Variants in SMAD6 observed in about 807,000 individuals in gnomAD.
SMAD6 encodes the protein MAD homolog 6.
SMAD6 carries 103 observed loss-of-function variants against 39.4 expected under a neutral mutation model. That is an observed-to-expected ratio of 2.62 (90% CI 2.23 to 3.08). SMAD6 has a LOEUF of 3.08. SMAD6 is among the 30% of genes most tolerant of loss of function. SMAD6 has a pLI of 0.00. For missense variants in SMAD6, 1,104 were observed against 742.9 expected, an observed-to-expected ratio of 1.49 and a Z score of -5.65; for synonymous variants, 445 against 353.3, an observed-to-expected ratio of 1.26 and a Z score of -2.91.
At chr15:66,716,059 A>C (rs1893323212) in intron 2 of SMAD6, among the ~76,000 whole-genome samples, 1 of 152,246 alleles carries the variant, frequency 6.6e-6, no homozygotes, top group Admixed American at 6.5e-5. Context: ...GTTGTAATTA[A>C]GTACAGCAAC....
At chr15:66,737,768 G>C (rs1893739906) in intron 3 of SMAD6, among the ~76,000 whole-genome samples, 1 of 151,912 alleles carries the variant, frequency 6.6e-6, no homozygotes, top group African/African-American at 2.4e-5. Flanking sequence ...GGCCTGGGGA[G>C]GTGGAAAAAG....
chr15:66,720,290 A>G (rs1356805367), intron 3 of SMAD6, among the ~76,000 whole-genome samples: 1 of 151,872 alleles, frequency 6.6e-6, no homozygotes, highest in East Asian at 1.9e-4. Context: ...TCAGAATTGC[A>G]GGATGAAGAA....
At chr15:66,764,744 C>T (rs1894260351) in intron 3 of SMAD6, among the ~76,000 whole-genome samples, 1 of 152,096 alleles carries the variant, frequency 6.6e-6, no homozygotes, top group African/African-American at 2.4e-5. Context: ...AGTGTTCGTC[C>T]TTGCTATGAT....
At chr15:66,718,111 CGT>C (rs57053370) in intron 3 of SMAD6, among the ~76,000 whole-genome samples, 9,890 of 137,094 alleles carry the variant, frequency 0.072, 413 homozygotes, top group Middle Eastern at 0.15. Flanking sequence ...ATGGAAAGTC[CGT>C]GTGTGTGTGT....
At chr15:66,775,379 T>C (rs932349828) in intron 3 of SMAD6, among the ~76,000 whole-genome samples, 4 of 152,206 alleles carry the variant, frequency 2.6e-5, no homozygotes, top group Non-Finnish European at 5.9e-5. Flanking sequence ...GGTTTTCTGT[T>C]GATAGATATC....
chr15:66,716,135 C>G (rs996902939), intron 2 of SMAD6, among the ~76,000 whole-genome samples: 1 of 152,192 alleles, frequency 6.6e-6, no homozygotes, highest in African/African-American at 2.4e-5. Flanking sequence ...CTTGCTCGGT[C>G]CCCTGAACTT....
Position 66,781,732 on chromosome 15 carries a change from GTAAT to G in SMAD6, c.*200_*203del, listed in dbSNP as rs1406337822. 2.4e-6 allele frequency: 1 copy of G among 415,522 alleles called. No individual in the cohort carries two copies. The allele number at this position is 415,522 out of a possible 1,614,324, so 25.7% of individuals were successfully genotyped here. On this transcript the variant is annotated 3_prime_UTR_variant, in exon 4 of 4. Coordinates refer to ENST00000288840, the MANE Select transcript of SMAD6 (RefSeq NM_005585.5). ...GTAATTATGGAGTCATTTTTACAATGTAATTATTTATGTATGGTGCAATGTGTGT... is the reference window on the plus strand; with the variant it reads ...GTAATTATGGAGTCATTTTTACAATGTATTTATGTATGGTGCAATGTGTGT...
At chr15:66,723,258 G>A (rs1893466023) in intron 3 of SMAD6, among the ~76,000 whole-genome samples, 1 of 152,222 alleles carries the variant, frequency 6.6e-6, no homozygotes, top group Non-Finnish European at 1.5e-5. Flanking sequence ...GCAAAGTCCA[G>A]AGAGGGCAAC....
intron 3 of SMAD6, among the ~76,000 whole-genome samples, chr15:66,772,025 C>T (rs1275565611): frequency 2.0e-5 from 3 of 152,174 alleles, no homozygotes; most frequent in Admixed American, 2.0e-4. Context: ...GGGGCAGTGT[C>T]GTTAGCACTG....
chr15:66,727,595 G>A (rs574262299), intron 3 of SMAD6, among the ~76,000 whole-genome samples: 16 of 152,230 alleles, frequency 1.1e-4, no homozygotes, highest in Admixed American at 2.0e-4. Flanking sequence ...TTCTGGCAGG[G>A]CAGTAAGGAA....
intron 3 of SMAD6, among the ~76,000 whole-genome samples, chr15:66,749,489 G>A (rs1432022866): frequency 1.3e-5 from 2 of 152,090 alleles, no homozygotes; most frequent in African/African-American, 4.8e-5. Context: ...AATTAGGCAG[G>A]CGTCGTGGCA....
chr15:66,733,160 C>G (rs73469895), intron 3 of SMAD6, among the ~76,000 whole-genome samples: 2 of 152,164 alleles, frequency 1.3e-5, no homozygotes, highest in South Asian at 4.1e-4. Flanking sequence ...CCATGGTCTA[C>G]GTGTCTATCC....
intron 3 of SMAD6, among the ~76,000 whole-genome samples, chr15:66,719,699 G>A (rs1893397572): frequency 6.6e-6 from 1 of 152,198 alleles, no homozygotes. Flanking sequence ...GGAAGGATGG[G>A]CCTCTTGAGG....
At chr15:66,744,391 A>T (rs1421627775) in intron 3 of SMAD6, among the ~76,000 whole-genome samples, 1 of 152,152 alleles carries the variant, frequency 6.6e-6, no homozygotes. Context: ...ATGTGCCTCA[A>T]GGGGGAAGAT....
intron 3 of SMAD6, among the ~76,000 whole-genome samples, chr15:66,744,698 C>A: frequency 6.6e-6 from 1 of 152,216 alleles, no homozygotes; most frequent in East Asian, 1.9e-4. Flanking sequence ...AACAAAGGCT[C>A]TGTGGGACCA....
chr15:66,728,351 G>A (rs1246004113), intron 3 of SMAD6, among the ~76,000 whole-genome samples: 1 of 152,104 alleles, frequency 6.6e-6, no homozygotes, highest in Non-Finnish European at 1.5e-5. Context: ...TGGCTTTTTG[G>A]AATATAGCTT....
At chr15:66,735,622 G>T (rs148819720) in intron 3 of SMAD6, among the ~76,000 whole-genome samples, 18 of 152,270 alleles carry the variant, frequency 1.2e-4, no homozygotes, top group Admixed American at 3.3e-4. Context: ...AATGAGGGGA[G>T]CATGATGGGG....
chr15:66,731,782 CTT>C (rs1333878716), intron 3 of SMAD6, among the ~76,000 whole-genome samples: 1 of 152,138 alleles, frequency 6.6e-6, no homozygotes, highest in Non-Finnish European at 1.5e-5. Flanking sequence ...GTACATATAA[CTT>C]TACAACAGGC....
intron 3 of SMAD6, among the ~76,000 whole-genome samples, chr15:66,769,170 C>A (rs1894339078): frequency 6.6e-6 from 1 of 152,158 alleles, no homozygotes; most frequent in Non-Finnish European, 1.5e-5. Flanking sequence ...AGGTAATCAC[C>A]TAGAGGAAAC....
Sources: gnomAD v4.1 joint callset for allele counts (sites outside exome capture counted in the v4.1 genomes callset) on GRCh38, gnomAD v4.1.1 for gene constraint, MANE v1.5 for transcripts, NCBI Gene and HGNC (gene_info 2026-07-23, HGNC 2026-07-21) for gene names.